PDXDC1: variants seen among roughly 807,000 people sequenced by gnomAD.
PDXDC1 encodes pyridoxal-dependent decarboxylase domain-containing protein 1.
Under a neutral mutation model 100.1 loss-of-function variants are expected in PDXDC1, and 42 were observed. The observed-to-expected ratio is 0.42, with a 90% CI of 0.33 to 0.54. The LOEUF (loss-of-function observed/expected upper bound fraction) is 0.54, where lower values mean the gene tolerates loss of function less well. Among genes scored for constraint, PDXDC1 ranks in the 20% least tolerant of loss-of-function variants. PDXDC1 has a pLI of 0.10. For missense variants in PDXDC1, 636 were observed against 979.2 expected, an observed-to-expected ratio of 0.65 and a Z score of 4.68; for synonymous variants, 260 against 371.7, an observed-to-expected ratio of 0.70 and a Z score of 3.46.
intron 16 of PDXDC1, chr16:15,127,855 T>C (rs2047827987): frequency 1.3e-6 from 2 of 1,566,298 alleles, no homozygotes; most frequent in African/African-American, 1.4e-5. Flanking sequence ...GCACTGCAGC[T>C]CAGCCACCAG....
At chr16:15,148,029 C>T in the PDXDC1 span, among the ~76,000 whole-genome samples, 1 of 151,472 alleles carries the variant, frequency 6.6e-6, no homozygotes, top group Admixed American at 6.6e-5. Flanking sequence ...TTCCTAGTCA[C>T]CCAGGCTGGA....
intron 13 of PDXDC1, chr16:15,025,983 G>A (rs1293386221): frequency 6.6e-6 from 1 of 152,362 alleles, no homozygotes; most frequent in African/African-American, 2.4e-5. Context: ...AAATATATTA[G>A]AAAATACACA....
rs999939180 is a variant in PDXDC1, at chr16:15,063,364, A to T, written c.1399+33308A>T. ...ATTGGTTTGGATCTTTTCTCACAAGATCTATTACCCAAAACCAAGAAGTGA... is the reference window on the plus strand; with the variant it reads ...ATTGGTTTGGATCTTTTCTCACAAGTTCTATTACCCAAAACCAAGAAGTGA... On this transcript the variant is annotated intron_variant, in intron 16 of 16. Transcript: ENST00000535621. 3.9e-6 allele frequency: 4 copies of T among 1,029,682 alleles called. No homozygotes were observed. The African/African-American group carries it at 6.3e-5, about 16-fold the overall frequency. 63.8% of individuals were successfully genotyped at this position (1,029,682 alleles called of 1,614,324 possible). A position where few individuals can be genotyped will look rare whatever the true frequency, so the allele number is the denominator to read the frequency against.
chr16:15,034,687 C>G, intron 21 of PDXDC1, 134 bp downstream of exon 21: 3 of 710,478 alleles, frequency 4.2e-6, no homozygotes, highest in Non-Finnish European at 7.3e-6. Flanking sequence ...GGCCGGACAT[C>G]TGAGGAGACA....
At chr16:14,987,258 T>G (rs866761061) in intron 1 of PDXDC1, among the ~76,000 whole-genome samples, 4 of 152,418 alleles carry the variant, frequency 2.6e-5, no homozygotes, top group Middle Eastern at 3.4e-3. Context: ...CTAAATATGA[T>G]TTTTGAGTAC....
At chr16:15,033,102 C>T (rs902713623) in intron 18 of PDXDC1, 123 bp downstream of exon 18, 34 of 955,012 alleles carry the variant, frequency 3.6e-5, no homozygotes, top group East Asian at 4.8e-5. Context: ...GGCGAAGATG[C>T]GGTTCTGAGA....
In PDXDC1 at chr16:15,017,328, C is replaced by T; in HGVS notation, c.869C>T (p.Ala290Val). 9 of 1,611,136 alleles carry T rather than the reference C, an allele frequency of 5.6e-6. No individual in the cohort carries two copies. The highest frequency in any genetic ancestry group is 7.6e-6 in the Non-Finnish European group (9 of 1,177,754). Residue 290 changes from alanine (A) to valine (V), a missense_variant, in exon 11 of 23, where the codon GCC becomes GTC. Coordinates refer to ENST00000396410, the MANE Select transcript of PDXDC1 (RefSeq NM_015027.4). ...TTGTTCTTGTTTTGGTAGGCTGCAG[C>T]CAAATGTGATAGCATGACGATGACT... ...GYVSSSVLAA[A>V]KCDSMTMTPG...
the PDXDC1 span, among the ~76,000 whole-genome samples, chr16:15,145,275 G>T: frequency 1.2e-3 from 180 of 152,350 alleles, no homozygotes; most frequent in African/African-American, 4.1e-3. Context: ...GGGGCAGCCG[G>T]AATCCCATCA....
chr16:15,076,388 G>A lies in PDXDC1; in HGVS notation c.1399+46332G>A. On this transcript the variant is annotated intron_variant, in intron 16 of 16. Transcript: ENST00000535621. ...AAAGCCTTGGAAATAGACCAACTAT[G>A]CTAAGTGCTAAATGACATGGCAGCA... The A allele has an allele frequency of 7.8e-6, 5 of 638,286 alleles. No individual in the cohort carries two copies. In the South Asian group the frequency reaches 9.2e-5, roughly 12 times the overall value. The allele number at this position is 638,286 out of a possible 1,614,324, so 39.5% of individuals were successfully genotyped here.
In PDXDC1 at chr16:15,037,797, C is replaced by CAAA. The variant is rs11376559; in HGVS notation, c.*1530_*1532dup. On this transcript the variant is annotated 3_prime_UTR_variant, in exon 23 of 23. Coordinates refer to ENST00000396410, the MANE Select transcript of PDXDC1 (RefSeq NM_015027.4). ...TTCTCCTCTGCCCGTTATTACCGACCAAAAAAAAAACTGGACATCAATTTT... is the reference window on the plus strand; with the variant it reads ...TTCTCCTCTGCCCGTTATTACCGACCAAAAAAAAAAAAACTGGACATCAATTTT... The CAAA allele has an allele frequency of 3.1e-3, 1,235 of 400,674 alleles. 18 individuals carry two copies. In the East Asian group the frequency reaches 0.037, roughly 12 times the overall value. The allele number at this position is 400,674 out of a possible 1,614,324, so 24.8% of individuals were successfully genotyped here.
intron 16 of PDXDC1, among the ~76,000 whole-genome samples, chr16:15,064,863 A>C (rs528685541): frequency 2.6e-5 from 4 of 152,188 alleles, no homozygotes; most frequent in Admixed American, 6.5e-5. Flanking sequence ...GCAAACATGT[A>C]TCACGTTTAA....
chr16:15,099,728 C>G (rs1377262298), intron 16 of PDXDC1, among the ~76,000 whole-genome samples: 1 of 152,130 alleles, frequency 6.6e-6, no homozygotes, highest in South Asian at 2.1e-4. Context: ...CACAGTGTGG[C>G]CTTTCACTTC....
chr16:15,035,765 A>G (rs531978440), intron 22 of PDXDC1, among the ~76,000 whole-genome samples: 1 of 152,256 alleles, frequency 6.6e-6, no homozygotes, highest in East Asian at 1.9e-4. Flanking sequence ...GAAAGATGAC[A>G]TTGTCACTGT....
intron 14 of PDXDC1, among the ~76,000 whole-genome samples, chr16:15,027,025 G>C (rs545967894): frequency 1.8e-4 from 24 of 135,254 alleles, no homozygotes; most frequent in Non-Finnish European, 2.9e-4. Flanking sequence ...TTGTGCCCAG[G>C]AATCTGTATC....
intron 16 of PDXDC1, among the ~76,000 whole-genome samples, chr16:15,101,077 T>A (rs2046528504): frequency 6.6e-6 from 1 of 152,188 alleles, no homozygotes; most frequent in Non-Finnish European, 1.5e-5. Context: ...TCAATTTTCT[T>A]ATGTACAAAA....
chr16:15,140,237 G>C (rs1445123255), downstream of PDXDC1, among the ~76,000 whole-genome samples: 2 of 151,332 alleles, frequency 1.3e-5, no homozygotes, highest in Middle Eastern at 3.2e-3. Context: ...CTGAGGTCAG[G>C]AGTTCAAGAC....
Position 15,124,614 on chromosome 16 carries a change from A to C in PDXDC1, c.1400-14265A>C, listed in dbSNP as rs2047603240. Among the ~76,000 whole-genome samples the C allele has an allele frequency of 1.3e-5, 2 of 149,044 alleles. 1 individual carries two copies. The highest frequency in any genetic ancestry group is 4.3e-4 in the South Asian group (2 of 4,652). ...ATGGTGAAACCCTGTGTCTAATAAA[A>C]TACAAAAATTAGCCGGGTGCGGTGG... On this transcript the variant is annotated intron_variant, in intron 16 of 16. Transcript: ENST00000535621.
chr16:15,091,752 T>C (rs1182100188), intron 16 of PDXDC1, among the ~76,000 whole-genome samples: 5 of 152,336 alleles, frequency 3.3e-5, no homozygotes, highest in African/African-American at 7.2e-5. Context: ...TATAAACATA[T>C]GGTTACTTAA....
At chr16:15,000,196 T>C (rs1171849800) in intron 3 of PDXDC1, among the ~76,000 whole-genome samples, 1 of 152,290 alleles carries the variant, frequency 6.6e-6, no homozygotes, top group Non-Finnish European at 1.5e-5. Flanking sequence ...GGGGAGATAC[T>C]CCCAGCAGCA....
Sources: gnomAD v4.1 joint callset for allele counts (sites outside exome capture counted in the v4.1 genomes callset) on GRCh38, gnomAD v4.1.1 for gene constraint, MANE v1.5 for transcripts, NCBI Gene and HGNC (gene_info 2026-07-23, HGNC 2026-07-21) for gene names.